Variants in FAM193B observed in about 807,000 individuals in gnomAD.
FAM193B encodes family with sequence similarity 193 member B, also known as protein FAM193B.
Under a neutral mutation model 70.7 loss-of-function variants are expected in FAM193B, and 27 were observed. The observed-to-expected ratio is 0.38, with a 90% CI of 0.28 to 0.53. The LOEUF (loss-of-function observed/expected upper bound fraction) is 0.53, where lower values mean the gene tolerates loss of function less well. FAM193B is among the 20% of genes least tolerant of loss of function. FAM193B has a pLI of 0.81. For synonymous variants in FAM193B, 448 were observed against 436.0 expected, an observed-to-expected ratio of 1.03 and a Z score of -0.34; for missense variants, 1,022 against 1,072.5, an observed-to-expected ratio of 0.95 and a Z score of 0.66.
Position 177,554,310 on chromosome 5 carries a change from G to C in FAM193B, c.149C>G (p.Ala50Gly). Residue 50 changes from alanine (A) to glycine (G), a missense_variant, in exon 1 of 9, where the codon GCG (alanine) becomes GGG (glycine). Coordinates refer to ENST00000514747, the MANE Select transcript of FAM193B (RefSeq NM_001190946.3). ...CCTGGGGCCGTCGTGGTCGGGCTCC[G>C]CCGGCGCCTCCGGAGGGCCTGCACC... ...GAGAGPPEAP[A>G]EPDHDGPRED... The C allele has an allele frequency of 7.4e-7, 1 of 1,349,818 alleles. No homozygotes were observed. Among genetic ancestry groups the C allele is most frequent in the East Asian group, 3.1e-5 (1 of 31,966 alleles). 83.6% of individuals were successfully genotyped at this position (1,349,818 alleles called of 1,614,324 possible).
intron 7 of FAM193B, 64 bp downstream of exon 7, chr5:177,523,893 G>C (rs1762160038): frequency 1.9e-6 from 3 of 1,575,502 alleles, no homozygotes; most frequent in Non-Finnish European, 2.6e-6. Flanking sequence ...GCACAACACA[G>C]GGCTTGAGTG....
chr5:177,528,717 G>A (rs188593779), intron 5 of FAM193B, among the ~76,000 whole-genome samples: 67 of 152,310 alleles, frequency 4.4e-4, no homozygotes, highest in South Asian at 4.1e-4. Flanking sequence ...AAGGCCTAGC[G>A]GTTTGAGAAG....
At chr5:177,536,851 C>T in intron 3 of FAM193B, 106 bp from the exon 4 acceptor site, 7 of 1,404,988 alleles carry the variant, frequency 5.0e-6, no homozygotes, top group Non-Finnish European at 6.7e-6. Flanking sequence ...CAAGAGGGCA[C>T]AGCCTCTCAG....
At chr5:177,536,054 T>C (rs1010193750) in intron 4 of FAM193B, among the ~76,000 whole-genome samples, 8 of 152,002 alleles carry the variant, frequency 5.3e-5, no homozygotes, top group African/African-American at 1.9e-4. Flanking sequence ...AGGACTACAG[T>C]TGCATGCCAC....
At chr5:177,551,637 C>G (rs1040582009) in intron 1 of FAM193B, among the ~76,000 whole-genome samples, 2 of 152,206 alleles carry the variant, frequency 1.3e-5, no homozygotes, top group African/African-American at 4.8e-5. Flanking sequence ...ACCTTTTGAT[C>G]TTTAAAATAT....
At chr5:177,528,841 G>A (rs781535911) in intron 5 of FAM193B, among the ~76,000 whole-genome samples, 9 of 152,182 alleles carry the variant, frequency 5.9e-5, no homozygotes, top group African/African-American at 1.4e-4. Flanking sequence ...GGGAGCCCAC[G>A]TGGCTGGCTG....
Position 177,532,213 on chromosome 5 carries a change from A to C in FAM193B, c.1275+230T>G. ...CCTTTCCTTTTGCCTAAGGAAAAAAAGTCAATCTTAAGAGAAACCATGAGA... is the reference window on the plus strand; with the variant it reads ...CCTTTCCTTTTGCCTAAGGAAAAAACGTCAATCTTAAGAGAAACCATGAGA... On this transcript the variant is annotated intron_variant, in intron 5 of 8. Coordinates refer to ENST00000514747, the MANE Select transcript of FAM193B (RefSeq NM_001190946.3). This position sits in a 1 kb window ranked among gnomAD's most constrained non-coding sequence, Gnocchi z 4.9. 6.6e-7 allele frequency: 1 copy of C among 1,506,026 alleles called. No individual in the cohort carries two copies. The highest frequency in any genetic ancestry group is 8.8e-7 in the Non-Finnish European group (1 of 1,131,524). The allele number at this position is 1,506,026 out of a possible 1,614,324, so 93.3% of individuals were successfully genotyped here.
chr5:177,538,209 C>A lies in FAM193B; in HGVS notation c.454-102G>T. 9.1e-6 allele frequency: 11 copies of A among 1,204,154 alleles called. No homozygotes were observed. Among genetic ancestry groups the A allele is most frequent in the Non-Finnish European group, 1.3e-5 (11 of 878,092 alleles). 74.6% of individuals were successfully genotyped at this position (1,204,154 alleles called of 1,614,324 possible). ...CTGAGGGAGCTCCTTCTCCTCCAGA[C>A]CATGTGCCATAGCAAAAACACAATT... On this transcript the variant is annotated intron_variant, in intron 2 of 8. Coordinates refer to ENST00000514747, the MANE Select transcript of FAM193B (RefSeq NM_001190946.3). The surrounding 1 kb of genome is among the most constrained non-coding windows in gnomAD (Gnocchi z 4.1).
At chr5:177,553,975 C>T (rs764473147) in intron 1 of FAM193B, 3 of 1,260,472 alleles carry the variant, frequency 2.4e-6, no homozygotes, top group Admixed American at 3.5e-5. Context: ...AGTCCCAGTC[C>T]CAGTGTGGGT....
Position 177,524,990 on chromosome 5 carries a change from C to A in FAM193B, c.1491G>T (p.Met497Ile). 6.6e-7 allele frequency: 1 copy of A among 1,522,700 alleles called. No individual in the cohort carries two copies. The allele number at this position is 1,522,700 out of a possible 1,614,324, so 94.3% of individuals were successfully genotyped here. A position where few individuals can be genotyped will look rare whatever the true frequency, so the allele number is the denominator to read the frequency against. The stretch of plus-strand genomic sequence containing the variant: ...CCTCCTTAGAGAAGCCATTGCTGTC[C>A]ATGCTGAGCTCACACACACTGAAGC... ...RASFSVCELS[M>I]DSNGFSKEGA... The change falls in exon 6 of 9, where the codon ATG becomes ATT. Residue 497 changes from methionine (M) to isoleucine (I), a missense_variant. Met to Ile is a conservative substitution (Grantham distance 10). Coordinates refer to ENST00000514747, the MANE Select transcript of FAM193B (RefSeq NM_001190946.3).
Position 177,524,963 on chromosome 5 carries a change from C to T in FAM193B, c.1518G>A (p.Gly506=), listed in dbSNP as rs373508259. 519 of 1,509,004 alleles carry T rather than the reference C, an allele frequency of 3.4e-4. No individual in the cohort carries two copies. Among genetic ancestry groups the T allele is most frequent in the Non-Finnish European group, 4.3e-4 (491 of 1,129,878 alleles). 93.5% of individuals were successfully genotyped at this position (1,509,004 alleles called of 1,614,324 possible). Residue 506 remains glycine, a synonymous_variant, in exon 6 of 9, where the codon GGG becomes GGA. Transcript: ENST00000514747. Reference sequence around the variant, plus strand: ...GACTCTGAGGCTCAGGCTCAGCAGCCCCCTCCTTAGAGAAGCCATTGCTGT... The same window carrying T: ...GACTCTGAGGCTCAGGCTCAGCAGCTCCCTCCTTAGAGAAGCCATTGCTGT... The part of the protein sequence containing the change: ...SMDSNGFSKE[G]AAEPEPQSLP...
intron 4 of FAM193B, among the ~76,000 whole-genome samples, chr5:177,533,089 G>C (rs1434109572): frequency 6.6e-6 from 1 of 152,178 alleles, no homozygotes; most frequent in Admixed American, 6.5e-5. Context: ...AAATAGGCCT[G>C]AACCCATTAG....
intron 5 of FAM193B, among the ~76,000 whole-genome samples, chr5:177,526,903 AT>A (rs1762698331): frequency 6.6e-6 from 1 of 152,234 alleles, no homozygotes; most frequent in Admixed American, 6.5e-5. Context: ...TACGTGAGAC[AT>A]TCTCTGCCTC....
chr5:177,530,824 T>A (rs1481237447), intron 5 of FAM193B, among the ~76,000 whole-genome samples: 2 of 151,710 alleles, frequency 1.3e-5, no homozygotes, highest in East Asian at 3.9e-4. Flanking sequence ...TCCTGAGGAG[T>A]CTGTACTCAC....
intron 1 of FAM193B, among the ~76,000 whole-genome samples, chr5:177,539,765 A>G (rs961312314): frequency 6.6e-6 from 1 of 152,218 alleles, no homozygotes; most frequent in African/African-American, 2.4e-5. Flanking sequence ...AGTATGGTGA[A>G]AACAGTCTGG....
At chr5:177,546,591 G>C (rs1412679336) in intron 1 of FAM193B, among the ~76,000 whole-genome samples, 3 of 152,226 alleles carry the variant, frequency 2.0e-5, no homozygotes, top group Non-Finnish European at 2.9e-5. Context: ...AAGAATCTCA[G>C]ACTATTCTAA....
rs1319586251 is a variant in FAM193B, at chr5:177,525,217, A to C, written c.1276-12T>G. ...GCCTTCTCCTTTTCCTGCCAAGGCA[A>C]GAGGCAGTTTTAGCAGGAGGCTGTC... is the stretch of plus-strand genomic sequence containing the variant. On this transcript the variant is annotated splice_polypyrimidine_tract_variant and intron_variant, in intron 5 of 8. Transcript: ENST00000514747. 1 of 1,447,324 alleles carries C rather than the reference A, an allele frequency of 6.9e-7. No individual in the cohort carries two copies. Among genetic ancestry groups the C allele is most frequent in the Non-Finnish European group, 9.1e-7 (1 of 1,095,564 alleles). 89.7% of individuals were successfully genotyped at this position (1,447,324 alleles called of 1,614,324 possible).
At chr5:177,545,910 C>A (rs1399447007) in intron 1 of FAM193B, among the ~76,000 whole-genome samples, 1 of 152,150 alleles carries the variant, frequency 6.6e-6, no homozygotes, top group Non-Finnish European at 1.5e-5. Flanking sequence ...AGCTGCCCTG[C>A]AACAGGTCCC....
At chr5:177,546,973 C>A (rs1172516048) in intron 1 of FAM193B, among the ~76,000 whole-genome samples, 2 of 152,228 alleles carry the variant, frequency 1.3e-5, no homozygotes, top group East Asian at 3.8e-4. Context: ...GCACACGTTA[C>A]TCATGGAGGA....
Sources: gnomAD v4.1 joint callset for allele counts (sites outside exome capture counted in the v4.1 genomes callset) on GRCh38, gnomAD v4.1.1 for gene constraint, Gnocchi (gnomAD v3.1) non-coding constraint, MANE v1.5 for transcripts, NCBI Gene and HGNC (gene_info 2026-07-23, HGNC 2026-07-21) for gene names.